GALNT13: variants seen among roughly 807,000 people sequenced by gnomAD.
GALNT13 encodes the protein UDP-GalNAc:polypeptide N-acetylgalactosaminyltransferase 13.
In GALNT13, 28 loss-of-function variants were observed where a neutral mutation model predicts 64.2. That is an observed-to-expected ratio of 0.44 (90% CI 0.32 to 0.60). GALNT13 has a LOEUF of 0.60. Ranked by LOEUF, GALNT13 falls within the 20% of genes least tolerant of loss-of-function variation. GALNT13 has a pLI of 0.05. For missense variants in GALNT13, 577 were observed against 669.8 expected (o/e 0.86, Z 1.53); for synonymous variants, 214 against 224.6 (o/e 0.95, Z 0.42).
the GALNT13 span, among the ~76,000 whole-genome samples, chr2:153,449,077 A>G: frequency 1.3e-5 from 2 of 151,848 alleles, no homozygotes; most frequent in Non-Finnish European, 2.9e-5. Flanking sequence ...TCTCCTGTGC[A>G]TGTACCAAGG....
At chr2:154,015,104 T>C (rs1696918812) in intron 3 of GALNT13, among the ~76,000 whole-genome samples, 1 of 152,176 alleles carries the variant, frequency 6.6e-6, no homozygotes, top group Non-Finnish European at 1.5e-5. Flanking sequence ...GAAGAAACAA[T>C]GCCTCATATG....
the GALNT13 span, among the ~76,000 whole-genome samples, chr2:153,836,662 C>T: frequency 1.4e-5 from 2 of 140,410 alleles, no homozygotes; most frequent in South Asian, 2.5e-4. Context: ...TCCCCCTCCC[C>T]CCTCCCCACA....
intron 9 of GALNT13, among the ~76,000 whole-genome samples, chr2:154,373,415 T>C (rs992346168): frequency 3.3e-5 from 5 of 152,206 alleles, no homozygotes; most frequent in African/African-American, 1.2e-4. Flanking sequence ...GTCCATGTCT[T>C]GATCATTCAA....
chr2:153,580,001 T>A, the GALNT13 span, among the ~76,000 whole-genome samples: 1 of 152,120 alleles, frequency 6.6e-6, no homozygotes, highest in Non-Finnish European at 1.5e-5. Flanking sequence ...ATATGGTGAA[T>A]TGCAGCCTAA....
the GALNT13 span, among the ~76,000 whole-genome samples, chr2:153,115,907 A>C: frequency 6.6e-6 from 1 of 152,312 alleles, no homozygotes; most frequent in East Asian, 1.9e-4. Context: ...AGCAGCATTC[A>C]GTCATGATCA....
chr2:154,389,110 C>A (rs927549787), intron 9 of GALNT13, among the ~76,000 whole-genome samples: 1 of 151,926 alleles, frequency 6.6e-6, no homozygotes, highest in Non-Finnish European at 1.5e-5. Flanking sequence ...CTTAAGCATT[C>A]TTTTTGTTTT....
At chr2:153,101,156 A>G in the GALNT13 span, among the ~76,000 whole-genome samples, 38 of 152,340 alleles carry the variant, frequency 2.5e-4, no homozygotes, top group Non-Finnish European at 4.4e-4. Context: ...CAAATACTCT[A>G]TTATAGGTTC....
At chr2:153,893,289 A>G (rs1687674615) in intron 1 of GALNT13, among the ~76,000 whole-genome samples, 1 of 151,982 alleles carries the variant, frequency 6.6e-6, no homozygotes, top group African/African-American at 2.4e-5. Context: ...ACTTTGTACT[A>G]TTTTCCAGCT....
intron 4 of GALNT13, among the ~76,000 whole-genome samples, chr2:154,152,773 C>T (rs1423855392): frequency 6.6e-6 from 1 of 152,172 alleles, no homozygotes; most frequent in Admixed American, 6.5e-5. Context: ...CCTTGGCTTT[C>T]AGCTCCATCA....
chr2:153,439,291 G>A, the GALNT13 span, among the ~76,000 whole-genome samples: 2 of 152,142 alleles, frequency 1.3e-5, no homozygotes, highest in African/African-American at 4.8e-5. Context: ...GAGGCAGTCT[G>A]CCTGTTCTCA....
At chr2:153,690,675 T>C in the GALNT13 span, among the ~76,000 whole-genome samples, 3 of 152,140 alleles carry the variant, frequency 2.0e-5, no homozygotes, top group Admixed American at 2.0e-4. Context: ...TTAATGAACA[T>C]CTTTGGTGCA....
At chr2:153,314,861 C>A in the GALNT13 span, among the ~76,000 whole-genome samples, 3 of 150,450 alleles carry the variant, frequency 2.0e-5, no homozygotes, top group African/African-American at 4.9e-5. Flanking sequence ...CCTTAAGAAA[C>A]CTGAAAAAAA....
At chr2:153,660,216 G>A in the GALNT13 span, among the ~76,000 whole-genome samples, 1 of 152,112 alleles carries the variant, frequency 6.6e-6, no homozygotes, top group Non-Finnish European at 1.5e-5. Context: ...TGGAGGAAAT[G>A]ATATTTGATC....
chr2:153,491,117 T>C, the GALNT13 span, among the ~76,000 whole-genome samples: 1 of 152,086 alleles, frequency 6.6e-6, no homozygotes, highest in Non-Finnish European at 1.5e-5. Flanking sequence ...ATGTAATATG[T>C]GAACATAATT....
chr2:154,170,911 G>A (rs1469507168), intron 4 of GALNT13, among the ~76,000 whole-genome samples: 1 of 152,104 alleles, frequency 6.6e-6, no homozygotes, highest in African/African-American at 2.4e-5. Context: ...AACAACTTGG[G>A]TAGTTTGCTG....
At chr2:153,265,669 G>A in the GALNT13 span, among the ~76,000 whole-genome samples, 28 of 152,254 alleles carry the variant, frequency 1.8e-4, no homozygotes, top group East Asian at 3.9e-4. Context: ...TGTGATGAAT[G>A]TGCTTTTTTG....
At chr2:154,003,769 T>A (rs1180356100) in intron 3 of GALNT13, among the ~76,000 whole-genome samples, 1 of 152,080 alleles carries the variant, frequency 6.6e-6, no homozygotes, top group Non-Finnish European at 1.5e-5. Flanking sequence ...TGATAGTGAG[T>A]GGGCGAATTG....
chr2:153,166,063 C>G, the GALNT13 span, among the ~76,000 whole-genome samples: 2 of 152,116 alleles, frequency 1.3e-5, no homozygotes, highest in African/African-American at 2.4e-5. Context: ...TTGGAATTTA[C>G]ACGAGTGGCA....
chr2:153,369,598 T>A, the GALNT13 span, among the ~76,000 whole-genome samples: 1 of 152,182 alleles, frequency 6.6e-6, no homozygotes, highest in Non-Finnish European at 1.5e-5. Flanking sequence ...CTCTGACTGT[T>A]AGCTGGAATT....
Sources: gnomAD v4.1 joint callset for allele counts (sites outside exome capture counted in the v4.1 genomes callset) on GRCh38, gnomAD v4.1.1 for gene constraint, MANE v1.5 for transcripts, NCBI Gene and HGNC (gene_info 2026-07-23, HGNC 2026-07-21) for gene names.